AFF2: variants seen among roughly 807,000 people sequenced by gnomAD.
The protein encoded by AFF2 is ALF transcription elongation factor 2, also known as AF4/FMR2 family member 2.
AFF2 carries 14 observed loss-of-function variants against 76.9 expected under a neutral mutation model. The observed-to-expected ratio is 0.18, with a 90% CI of 0.12 to 0.28. AFF2 has a LOEUF of 0.28. Among genes scored for constraint, AFF2 ranks in the 10% least tolerant of loss-of-function variants. AFF2 has a pLI of 1.00. For synonymous variants in AFF2, 398 were observed against 366.7 expected (o/e 1.09, Z -0.98); for missense variants, 868 against 1,001.1 (o/e 0.87, Z 1.79).
intron 1 of AFF2, among the ~76,000 whole-genome samples, chrX:148,536,180 C>A (rs942272919): frequency 5.6e-5 from 6 of 108,087 alleles, no homozygotes; most frequent in African/African-American, 2.0e-4. Context: ...CACTACACTC[C>A]AGCCTGGTGA....
intron 1 of AFF2, among the ~76,000 whole-genome samples, chrX:148,536,231 G>T (rs1233015143): frequency 9.2e-6 from 1 of 108,848 alleles, no homozygotes; most frequent in African/African-American, 3.3e-5. Flanking sequence ...AAAAGAATTC[G>T]ACCATCCATT....
At chrX:148,840,546 A>G (rs1557274194) in intron 5 of AFF2, among the ~76,000 whole-genome samples, 1 of 112,766 alleles carries the variant, frequency 8.9e-6, no homozygotes, top group African/African-American at 3.2e-5. Context: ...ATTATTGTCA[A>G]GGCTATTGCT....
At chrX:148,614,781 T>C (rs868922636) in intron 1 of AFF2, among the ~76,000 whole-genome samples, 971 of 80,539 alleles carry the variant, frequency 0.012, 8 homozygotes, top group Non-Finnish European at 0.017. Context: ...TTTCTTTCTT[T>C]CTTTCTTTCT....
intron 3 of AFF2, among the ~76,000 whole-genome samples, chrX:148,731,157 A>G (rs2055214752): frequency 8.9e-6 from 1 of 112,047 alleles, no homozygotes. Context: ...CAATTTATAG[A>G]GACGAGTTCT....
At chrX:148,879,965 C>T (rs1424748032) in intron 7 of AFF2, among the ~76,000 whole-genome samples, 1 of 111,937 alleles carries the variant, frequency 8.9e-6, no homozygotes, top group Non-Finnish European at 1.9e-5. Flanking sequence ...AGGCCATCAG[C>T]TACAGAAGAC....
chrX:148,501,620 G>T (rs1373652767), intron 1 of AFF2, among the ~76,000 whole-genome samples: 1 of 113,334 alleles, frequency 8.8e-6, no homozygotes, highest in African/African-American at 3.2e-5. Context: ...CACCGCCCCC[G>T]CTGCCGCCAC....
At chrX:148,721,489 G>A (rs1350707910) in intron 3 of AFF2, among the ~76,000 whole-genome samples, 3 of 112,011 alleles carry the variant, frequency 2.7e-5, no homozygotes, top group Non-Finnish European at 3.8e-5. Flanking sequence ...TATTTATCTA[G>A]TGCTTAGCAG....
intron 12 of AFF2, among the ~76,000 whole-genome samples, chrX:148,962,483 G>A (rs1360509964): frequency 1.8e-5 from 2 of 111,799 alleles, no homozygotes; most frequent in African/African-American, 6.5e-5. Flanking sequence ...AAAGACATGA[G>A]TTTATTCTTG....
intron 3 of AFF2, among the ~76,000 whole-genome samples, chrX:148,804,445 A>G (rs1198190494): frequency 8.9e-6 from 1 of 112,664 alleles, no homozygotes; most frequent in Non-Finnish European, 1.9e-5. Context: ...ATGTTCATGT[A>G]TGATTCCAAA....
At chrX:148,683,287 G>A (rs1399218736) in intron 3 of AFF2, among the ~76,000 whole-genome samples, 1 of 111,831 alleles carries the variant, frequency 8.9e-6, no homozygotes, top group Non-Finnish European at 1.9e-5. Context: ...GCAAGATGAG[G>A]GCTTCATACA....
chrX:148,864,432 T>C (rs1409685735), intron 7 of AFF2, among the ~76,000 whole-genome samples: 2 of 111,903 alleles, frequency 1.8e-5, no homozygotes, highest in African/African-American at 6.5e-5. Flanking sequence ...TGAAGACCAA[T>C]GGCTTGACTT....
intron 1 of AFF2, among the ~76,000 whole-genome samples, chrX:148,586,346 G>A (rs1327494028): frequency 8.9e-6 from 1 of 112,229 alleles, no homozygotes; most frequent in African/African-American, 3.2e-5. Context: ...AATCTCAGCT[G>A]CGCCATGATG....
intron 16 of AFF2, among the ~76,000 whole-genome samples, chrX:148,975,943 C>CAAAAAAAAAAAA (rs59057839): frequency 4.0e-4 from 9 of 22,717 alleles, no homozygotes; most frequent in African/African-American, 4.6e-4. Context: ...GACTCCGTCT[C>CAAAAAAAAAAAA]AAAAAAAAAA....
At chrX:148,953,443 T>G in intron 9 of AFF2, 137 bp from the exon 10 acceptor site, 1 of 674,091 alleles carries the variant, frequency 1.5e-6, no homozygotes, top group Middle Eastern at 4.6e-4. Context: ...AGCCTCACGT[T>G]TCCTATCTAT....
chrX:148,869,516 A>C (rs782001049), intron 7 of AFF2, among the ~76,000 whole-genome samples: 19 of 112,264 alleles, frequency 1.7e-4, no homozygotes, highest in Admixed American at 1.3e-3. Flanking sequence ...GGCTTGAGGC[A>C]TTTGTGGAAC....
intron 1 of AFF2, among the ~76,000 whole-genome samples, chrX:148,600,125 G>A (rs1178073433): frequency 3.6e-5 from 4 of 112,333 alleles, no homozygotes; most frequent in Non-Finnish European, 7.5e-5. Context: ...GGTGGATATC[G>A]TCTAGAGAGA....
At chrX:148,805,561 C>T (rs1206769991) in intron 3 of AFF2, among the ~76,000 whole-genome samples, 3 of 112,263 alleles carry the variant, frequency 2.7e-5, no homozygotes, top group African/African-American at 9.7e-5. Flanking sequence ...TTGTATTACC[C>T]TAATCGCTAA....
At chrX:148,700,692 G>T (rs1479246838) in intron 3 of AFF2, among the ~76,000 whole-genome samples, 1 of 110,524 alleles carries the variant, frequency 9.0e-6, no homozygotes, top group East Asian at 2.8e-4. Flanking sequence ...TGTTGTTGTT[G>T]TTTAGAAAGA....
At chrX:148,643,443 G>A (rs1008848504) in intron 1 of AFF2, among the ~76,000 whole-genome samples, 2 of 111,795 alleles carry the variant, frequency 1.8e-5, no homozygotes, top group African/African-American at 3.3e-5. Flanking sequence ...TTGAGTGTGG[G>A]GCACTTGTAA....
Sources: allele counts gnomAD v4.1 joint callset (sites outside exome capture counted in the v4.1 genomes callset), GRCh38; gene constraint gnomAD v4.1.1; transcripts MANE v1.5; gene names NCBI Gene and HGNC (gene_info 2026-07-23, HGNC 2026-07-21).